The following NRCAM variants were observed in gnomAD, a reference collection of about 807,000 sequenced individuals.
NRCAM encodes neuronal cell adhesion molecule, also known as NgCAM-related cell adhesion molecule.
In NRCAM, 83 loss-of-function variants were observed where a neutral mutation model predicts 156.5. The observed-to-expected ratio is 0.53, with a 90% CI of 0.44 to 0.64. The LOEUF (loss-of-function observed/expected upper bound fraction) is 0.64. NRCAM is among the 30% of genes least tolerant of loss of function. The pLI is 0.00. For synonymous variants in NRCAM, 538 were observed against 563.9 expected (o/e 0.95, Z 0.65); for missense variants, 1,417 against 1,597.3 (o/e 0.89, Z 1.92).
intron 3 of NRCAM, among the ~76,000 whole-genome samples, chr7:108,292,759 G>C (rs916832984): frequency 6.6e-6 from 1 of 152,130 alleles, no homozygotes; most frequent in African/African-American, 2.4e-5. Flanking sequence ...AAGTTTAAGT[G>C]AGTCAGTGGA....
chr7:108,268,898 C>A (rs1368160600), intron 3 of NRCAM, among the ~76,000 whole-genome samples: 1 of 152,234 alleles, frequency 6.6e-6, no homozygotes, highest in Non-Finnish European at 1.5e-5. Flanking sequence ...GGGCACTGCT[C>A]TCCTGCTTTA....
At chr7:108,207,405 G>A in intron 13 of NRCAM, 123 bp downstream of exon 13, 3 of 922,338 alleles carry the variant, frequency 3.3e-6, no homozygotes, top group Non-Finnish European at 3.2e-6. Flanking sequence ...TGGTGCCTGT[G>A]TTTAACATAC....
At chr7:108,335,981 T>A (rs542063981) in intron 2 of NRCAM, among the ~76,000 whole-genome samples, 40 of 152,336 alleles carry the variant, frequency 2.6e-4, no homozygotes, top group African/African-American at 9.4e-4. Flanking sequence ...TGAAAATGCC[T>A]CTCTCCTATT....
At chr7:108,394,406 G>A (rs2099771086) in intron 2 of NRCAM, among the ~76,000 whole-genome samples, 1 of 152,158 alleles carries the variant, frequency 6.6e-6, no homozygotes, top group South Asian at 2.1e-4. Context: ...GGCCAAATAA[G>A]TCAAAGAAAT....
At chr7:108,376,851 G>A (rs759441173) in intron 2 of NRCAM, among the ~76,000 whole-genome samples, 45 of 152,114 alleles carry the variant, frequency 3.0e-4, no homozygotes, top group Non-Finnish European at 5.0e-4. Flanking sequence ...ACTGAAAACC[G>A]ACAGTTAATA....
chr7:108,172,221 C>G (rs2058718845), intron 28 of NRCAM, among the ~76,000 whole-genome samples: 1 of 152,158 alleles, frequency 6.6e-6, no homozygotes, highest in East Asian at 1.9e-4. Context: ...ATTTTTGGTT[C>G]ATTTCTATAC....
upstream of NRCAM, chr7:108,456,652 G>A (rs1170619713): frequency 1.3e-5 from 2 of 152,250 alleles, no homozygotes; most frequent in Admixed American, 1.3e-4. Flanking sequence ...CGCCTCGAGG[G>A]ACTGGGTGGC....
intron 3 of NRCAM, among the ~76,000 whole-genome samples, chr7:108,246,354 T>A (rs2267878): frequency 6.6e-6 from 1 of 152,070 alleles, no homozygotes; most frequent in East Asian, 1.9e-4. Flanking sequence ...GTGAGTTGAC[T>A]TGGCTGCTTG....
chr7:108,428,483 G>T (rs764626776), intron 1 of NRCAM, among the ~76,000 whole-genome samples: 1 of 152,194 alleles, frequency 6.6e-6, no homozygotes, highest in Non-Finnish European at 1.5e-5. Context: ...TGACCTTTCA[G>T]CTTGTGAGAA....
At chr7:108,196,819 A>G (rs1406569289) in intron 14 of NRCAM, among the ~76,000 whole-genome samples, 3 of 152,194 alleles carry the variant, frequency 2.0e-5, no homozygotes, top group Admixed American at 6.5e-5. Flanking sequence ...TACAACTACC[A>G]TATGATCCAA....
intron 2 of NRCAM, among the ~76,000 whole-genome samples, chr7:108,319,151 A>T (rs2098969613): frequency 1.3e-5 from 2 of 152,146 alleles, no homozygotes; most frequent in African/African-American, 4.8e-5. Context: ...TGCTATATAT[A>T]TTTTACCACA....
At chr7:108,328,674 C>T (rs1028900449) in intron 2 of NRCAM, 2 of 152,084 alleles carry the variant, frequency 1.3e-5, no homozygotes, top group Non-Finnish European at 2.9e-5. Context: ...AACATTTCTT[C>T]GTATCCATTT....
At chr7:108,363,442 G>A (rs1365058691) in intron 2 of NRCAM, among the ~76,000 whole-genome samples, 1 of 152,086 alleles carries the variant, frequency 6.6e-6, no homozygotes, top group Non-Finnish European at 1.5e-5. Flanking sequence ...GTGCCACCAT[G>A]CCCAGCCAAA....
At chr7:108,353,734 G>A (rs909402693) in intron 2 of NRCAM, among the ~76,000 whole-genome samples, 1 of 152,236 alleles carries the variant, frequency 6.6e-6, no homozygotes, top group Non-Finnish European at 1.5e-5. Flanking sequence ...TAGAACACAT[G>A]GCAGGTGTAC....
At chr7:108,396,763 T>C (rs2099778050) in intron 2 of NRCAM, among the ~76,000 whole-genome samples, 1 of 152,188 alleles carries the variant, frequency 6.6e-6, no homozygotes, top group African/African-American at 2.4e-5. Context: ...AAAAAGGTAA[T>C]ATCCTGTGCC....
At chr7:108,434,807 A>G (rs1830125224) in intron 1 of NRCAM, among the ~76,000 whole-genome samples, 1 of 152,346 alleles carries the variant, frequency 6.6e-6, no homozygotes, top group Admixed American at 6.5e-5. Context: ...AAGTAAAAAA[A>G]GAAACTGAGT....
chr7:108,368,231 C>CG (rs1554569373), intron 2 of NRCAM, among the ~76,000 whole-genome samples: 2 of 106,316 alleles, frequency 1.9e-5, no homozygotes, highest in African/African-American at 6.7e-5. Context: ...CATACCCCCC[C>CG]CCACCCCCCC....
chr7:108,260,332 G>A (rs2096844959), intron 3 of NRCAM, among the ~76,000 whole-genome samples: 1 of 152,136 alleles, frequency 6.6e-6, no homozygotes, highest in South Asian at 2.1e-4. Context: ...GTCAGTGCCT[G>A]GCCCACAGTA....
intron 2 of NRCAM, among the ~76,000 whole-genome samples, chr7:108,365,467 G>A (rs1275355110): frequency 3.3e-5 from 5 of 152,030 alleles, no homozygotes; most frequent in Admixed American, 3.3e-4. Context: ...TGTATATATT[G>A]TAGAATGATA....
Sources: gnomAD v4.1 joint callset for allele counts (sites outside exome capture counted in the v4.1 genomes callset) on GRCh38, gnomAD v4.1.1 for gene constraint, MANE v1.5 for transcripts, NCBI Gene and HGNC (gene_info 2026-07-23, HGNC 2026-07-21) for gene names.